Variants in NPIPB7 observed in about 807,000 individuals in gnomAD.
NPIPB7 encodes nuclear pore complex interacting protein family member B7, also known as nuclear pore complex-interacting protein family member B7.
For missense variants in NPIPB7, 14 were observed against 238.5 expected (o/e 0.06, Z 6.20); for synonymous variants, 9 against 88.1 (o/e 0.10, Z 5.03).
intron 4 of NPIPB7, among the ~76,000 whole-genome samples, chr16:28,462,044 G>A (rs2045873910): frequency 6.7e-6 from 1 of 148,336 alleles, no homozygotes; most frequent in Non-Finnish European, 1.5e-5. Context: ...TTCAAACTGG[G>A]AGGCAGAGGT....
upstream of NPIPB7, among the ~76,000 whole-genome samples, chr16:28,471,974 G>A (rs566588490): frequency 1.3e-5 from 2 of 152,192 alleles, no homozygotes; most frequent in Non-Finnish European, 2.9e-5. Context: ...AGTTTGCAGT[G>A]AGCTGAGATA....
upstream of NPIPB7, among the ~76,000 whole-genome samples, chr16:28,470,722 G>A (rs961592163): frequency 1.3e-5 from 2 of 150,930 alleles, no homozygotes; most frequent in Non-Finnish European, 3.0e-5. Flanking sequence ...TGGAGGAGGA[G>A]AAGAAGAAAG....
At chr16:28,462,157 C>T (rs1257832093) in intron 4 of NPIPB7, among the ~76,000 whole-genome samples, 22 of 150,538 alleles carry the variant, frequency 1.5e-4, no homozygotes, top group African/African-American at 3.0e-4. Flanking sequence ...TGGTGGCTCA[C>T]GCCTCTAATC....
chr16:28,461,293 C>A (rs1020226080), intron 4 of NPIPB7, among the ~76,000 whole-genome samples: 1 of 131,564 alleles, frequency 7.6e-6, no homozygotes, highest in Non-Finnish European at 1.7e-5. Flanking sequence ...AGGGACTGAG[C>A]CTGCACCGAC....
intron 6 of NPIPB7, 40 bp from the exon 7 acceptor site, chr16:28,457,066 T>A: frequency 1.9e-6 from 2 of 1,036,514 alleles, no homozygotes; most frequent in South Asian, 1.3e-5. Flanking sequence ...CACATATTCA[T>A]TTGATGGACA....
chr16:28,464,481 C>T (rs1315635495), intron 2 of NPIPB7, among the ~76,000 whole-genome samples: 2 of 151,920 alleles, frequency 1.3e-5, no homozygotes, highest in Non-Finnish European at 2.9e-5. Flanking sequence ...TATGAATGTC[C>T]TGAGGTAGTC....
chr16:28,462,096 G>A (rs1336800275), intron 4 of NPIPB7, among the ~76,000 whole-genome samples: 5 of 147,270 alleles, frequency 3.4e-5, no homozygotes, highest in East Asian at 2.1e-4. Flanking sequence ...CAGCCTGGGC[G>A]ACAGAGCGAG....
intron 1 of NPIPB7, among the ~76,000 whole-genome samples, chr16:28,470,040 C>T (rs1417016381): frequency 6.9e-6 from 1 of 145,910 alleles, no homozygotes; most frequent in African/African-American, 2.6e-5. Context: ...TGTTTTGGTC[C>T]ATTTTGTTTG....
At chr16:28,463,506 C>CCCG (rs1417632201) in intron 2 of NPIPB7, among the ~76,000 whole-genome samples, 1 of 134,968 alleles carries the variant, frequency 7.4e-6, no homozygotes. Context: ...GCAGGCGGAT[C>CCCG]ACCTGAGGTC....
intron 1 of NPIPB7, 149 bp downstream of exon 1, chr16:28,470,224 C>A: frequency 1.0e-6 from 1 of 953,820 alleles, no homozygotes; most frequent in South Asian, 1.6e-5. Context: ...CCATGATGCC[C>A]TGGCTAGTCT....
chr16:28,463,389 TCACACACACACACACACACACACA>T (rs57853696), intron 2 of NPIPB7, among the ~76,000 whole-genome samples: 1 of 45,794 alleles, frequency 2.2e-5, no homozygotes, highest in South Asian at 8.3e-4. Context: ...AGACTCTGTC[TCACACACACACACACACACACACA>T]CACACACACA....
At chr16:28,461,938 A>T (rs1596611267) in intron 4 of NPIPB7, among the ~76,000 whole-genome samples, 1 of 127,676 alleles carries the variant, frequency 7.8e-6, no homozygotes, top group South Asian at 2.7e-4. Context: ...ACAGAGTGAG[A>T]CTCTGTCTCA....
upstream of NPIPB7, among the ~76,000 whole-genome samples, chr16:28,471,905 C>T (rs1339763903): frequency 6.6e-6 from 1 of 152,148 alleles, no homozygotes; most frequent in Admixed American, 6.6e-5. Flanking sequence ...TGGCACCTGC[C>T]TGTAGTCCCA....
chr16:28,467,627 G>A (rs1201974762), intron 1 of NPIPB7, among the ~76,000 whole-genome samples: 2 of 147,296 alleles, frequency 1.4e-5, no homozygotes, highest in Non-Finnish European at 3.0e-5. Flanking sequence ...ACCCAGGCTG[G>A]AGTGCAGTGG....
chr16:28,461,152 T>C (rs1357479378), intron 4 of NPIPB7, among the ~76,000 whole-genome samples: 1 of 149,250 alleles, frequency 6.7e-6, no homozygotes, highest in African/African-American at 2.5e-5. Flanking sequence ...ATGCGTGGGA[T>C]TAGATGGAAA....
At chr16:28,470,676 AG>A (rs1366857106), upstream of NPIPB7, 1 of 490,388 alleles carries the variant, frequency 2.0e-6, no homozygotes, top group African/African-American at 2.0e-5. Flanking sequence ...GGGAAGGGAA[AG>A]GAGGAGAAGG....
intron 2 of NPIPB7, among the ~76,000 whole-genome samples, chr16:28,464,275 TCA>T: frequency 6.8e-6 from 1 of 147,456 alleles, no homozygotes; most frequent in East Asian, 2.1e-4. Flanking sequence ...TACTCAGAGT[TCA>T]CTTTCCCTTC....
At chr16:28,463,598 T>C (rs1204414181) in intron 2 of NPIPB7, among the ~76,000 whole-genome samples, 12 of 143,194 alleles carry the variant, frequency 8.4e-5, no homozygotes, top group East Asian at 4.6e-4. Flanking sequence ...TGGTGGTGCA[T>C]GCCTGTAGTC....
upstream of NPIPB7, among the ~76,000 whole-genome samples, chr16:28,471,791 G>A (rs935197013): frequency 1.3e-5 from 2 of 148,584 alleles, no homozygotes; most frequent in Non-Finnish European, 3.0e-5. Context: ...TCATCTTACT[G>A]CCTGTGTGTG....
Sources: allele counts gnomAD v4.1 joint callset (sites outside exome capture counted in the v4.1 genomes callset), GRCh38; gene constraint gnomAD v4.1.1; transcripts MANE v1.5; gene names NCBI Gene and HGNC (gene_info 2026-07-23, HGNC 2026-07-21).